ARHGEF7: variants seen among roughly 807,000 people sequenced by gnomAD.
The protein encoded by ARHGEF7 is Rho guanine nucleotide exchange factor 7.
ARHGEF7 carries 33 observed loss-of-function variants against 109.8 expected under a neutral mutation model. That is an observed-to-expected ratio of 0.30 (90% CI 0.23 to 0.40). The LOEUF (loss-of-function observed/expected upper bound fraction) is 0.40. Among genes scored for constraint, ARHGEF7 ranks in the 10% least tolerant of loss-of-function variants. ARHGEF7 has a pLI of 1.00. For synonymous variants in ARHGEF7, 458 were observed against 424.6 expected, an observed-to-expected ratio of 1.08 and a Z score of -0.97; for missense variants, 938 against 1,098.5, an observed-to-expected ratio of 0.85 and a Z score of 2.07.
intron 2 of ARHGEF7, among the ~76,000 whole-genome samples, chr13:111,168,113 CT>C (rs1346327280): frequency 2.6e-5 from 4 of 152,144 alleles, no homozygotes; most frequent in African/African-American, 9.7e-5. Context: ...GGAGAGGGTC[CT>C]GGCTTACCTA....
intron 2 of ARHGEF7, among the ~76,000 whole-genome samples, chr13:111,157,141 C>T (rs932330014): frequency 7.2e-5 from 11 of 151,974 alleles, no homozygotes; most frequent in Admixed American, 2.0e-4. Flanking sequence ...TTGTGTGAGT[C>T]GCATTTATTG....
chr13:111,280,378 G>A (rs747078146), intron 14 of ARHGEF7, 28 bp downstream of exon 14: 4 of 1,601,696 alleles, frequency 2.5e-6, no homozygotes, highest in Admixed American at 1.7e-5. Context: ...TGTGAGTGCT[G>A]TGTCTCGGGG....
chr13:111,116,902 T>G (rs1231172809), intron 1 of ARHGEF7, among the ~76,000 whole-genome samples: 1 of 152,234 alleles, frequency 6.6e-6, no homozygotes, highest in Non-Finnish European at 1.5e-5. Flanking sequence ...AAACAGAATC[T>G]GCATATTAGA....
chr13:111,168,317 C>T (rs1594209737), intron 2 of ARHGEF7, among the ~76,000 whole-genome samples: 2 of 152,192 alleles, frequency 1.3e-5, no homozygotes, highest in African/African-American at 2.4e-5. Flanking sequence ...CTGTGTGAGG[C>T]AGGGGTGTGG....
chr13:111,238,514 T>A (rs1250311266), intron 6 of ARHGEF7, among the ~76,000 whole-genome samples: 2 of 152,182 alleles, frequency 1.3e-5, no homozygotes, highest in Non-Finnish European at 2.9e-5. Context: ...GGAATCCCCG[T>A]AGATTTTGAG....
intron 2 of ARHGEF7, among the ~76,000 whole-genome samples, chr13:111,171,236 G>C (rs2077570131): frequency 6.6e-6 from 1 of 152,134 alleles, no homozygotes. Context: ...TTTGTGATGA[G>C]GAGGCTAAGA....
intron 5 of ARHGEF7, among the ~76,000 whole-genome samples, chr13:111,219,780 G>A (rs1390397508): frequency 3.3e-5 from 5 of 151,666 alleles, no homozygotes; most frequent in Admixed American, 1.3e-4. Context: ...ATTTTTTTCC[G>A]GCTGCTTGTT....
intron 2 of ARHGEF7, among the ~76,000 whole-genome samples, chr13:111,195,876 G>A (rs749935421): frequency 4.1e-4 from 63 of 152,180 alleles, no homozygotes; most frequent in Non-Finnish European, 5.9e-4. Context: ...TAAGGCTGCT[G>A]CCTTTCTCTG....
chr13:111,176,348 T>C (rs1464457298), intron 2 of ARHGEF7, among the ~76,000 whole-genome samples: 1 of 152,220 alleles, frequency 6.6e-6, no homozygotes, highest in African/African-American at 2.4e-5. Flanking sequence ...GTTTGAGGTG[T>C]GTAAGGCAGT....
In ARHGEF7 at chr13:111,221,512, TAG is replaced by T. The variant is rs1440362067; in HGVS notation, c.670+3634_670+3635del. ...ATAGACATATATATATCTATATATATAGATATATATCTATATATATCTATATA... is the reference window on the plus strand; with the variant it reads ...ATAGACATATATATATCTATATATATATATATATCTATATATATCTATATA... On this transcript the variant is annotated intron_variant, in intron 5 of 21. Coordinates refer to ENST00000646102, the MANE Select transcript of ARHGEF7 (RefSeq NM_001354046.2). 1.8e-4 allele frequency among the ~76,000 whole-genome samples: 11 copies of T among 60,810 alleles called. No individual in the cohort carries two copies. In the South Asian group the frequency reaches 5.2e-3, roughly 29 times the overall value. 39.9% of individuals were successfully genotyped at this position (60,810 alleles called of 152,430 possible).
At chr13:111,267,496 T>C (rs2091758791) in intron 8 of ARHGEF7, 52 bp from the exon 9 acceptor site, 1 of 1,608,356 alleles carries the variant, frequency 6.2e-7, no homozygotes, top group Non-Finnish European at 8.5e-7. Context: ...AGTTAGCAGT[T>C]GTCCTGTCTG....
chr13:111,167,567 T>C (rs1463258928), intron 2 of ARHGEF7, among the ~76,000 whole-genome samples: 5 of 152,258 alleles, frequency 3.3e-5, no homozygotes, highest in Non-Finnish European at 5.9e-5. Context: ...TTGCCCTGCA[T>C]GTGTGACATG....
At position 111,293,426 on chromosome 13, in the gene ARHGEF7, C is replaced by T. The variant is rs564691372; in HGVS notation, c.2311+1132C>T. The T allele has an allele frequency of 6.4e-3, 6,130 of 950,552 alleles. 28 individuals carry two copies. The highest frequency in any genetic ancestry group is 0.014 in the Admixed American group (157 of 10,900). The allele number at this position is 950,552 out of a possible 1,614,324, so 58.9% of individuals were successfully genotyped here. On this transcript the variant is annotated intron_variant, in intron 19 of 21. Coordinates refer to ENST00000646102, the MANE Select transcript of ARHGEF7 (RefSeq NM_001354046.2). ...GAAGAATTACTAGGTTGCCATGTGG[C>T]TCACTTATTTAAAAAAAAAAAAAAA...
intron 13 of ARHGEF7, 37 bp from the exon 14 acceptor site, chr13:111,280,235 A>G: frequency 6.5e-7 from 1 of 1,536,220 alleles, no homozygotes; most frequent in Non-Finnish European, 8.9e-7. Flanking sequence ...GAAAAGCACT[A>G]ATTGTTTTTT....
At chr13:111,268,710 GTC>G (rs889359976) in intron 9 of ARHGEF7, among the ~76,000 whole-genome samples, 1 of 152,178 alleles carries the variant, frequency 6.6e-6, no homozygotes, top group African/African-American at 2.4e-5. Flanking sequence ...ATTTCCTCCT[GTC>G]TCTGGGTTTC....
intron 5 of ARHGEF7, among the ~76,000 whole-genome samples, chr13:111,222,249 T>C (rs1049466190): frequency 5.9e-5 from 9 of 152,126 alleles, no homozygotes; most frequent in Non-Finnish European, 8.8e-5. Flanking sequence ...AAAATTTCCC[T>C]TTTTTTCCTG....
chr13:111,136,940 A>G (rs1270894215), intron 1 of ARHGEF7, among the ~76,000 whole-genome samples: 1 of 152,240 alleles, frequency 6.6e-6, no homozygotes, highest in East Asian at 1.9e-4. Flanking sequence ...AGAAATGCAA[A>G]CTACCATCAG....
chr13:111,305,641 T>C lies in ARHGEF7; in HGVS notation c.*2528T>C, dbSNP rs1374501846. ...TTGACAAGTGTGGAGAAACTCCTAATTTAAATGTCACAGACAATGTCCTAG... is the reference window on the plus strand; with the variant it reads ...TTGACAAGTGTGGAGAAACTCCTAACTTAAATGTCACAGACAATGTCCTAG... On this transcript the variant is annotated 3_prime_UTR_variant, in exon 22 of 22. Transcript: ENST00000646102. The C allele has an allele frequency of 6.6e-6, 1 of 152,230 alleles. No homozygotes were observed. The highest frequency in any genetic ancestry group is 1.5e-5 in the Non-Finnish European group (1 of 68,038). The allele number at this position is 152,230 out of a possible 1,614,324, so 9.4% of individuals were successfully genotyped here.
At chr13:111,210,754 G>C (rs965954098) in intron 4 of ARHGEF7, among the ~76,000 whole-genome samples, 1 of 152,182 alleles carries the variant, frequency 6.6e-6, no homozygotes, top group Non-Finnish European at 1.5e-5. Context: ...GGCTGCTGGG[G>C]ATACCACTGC....
Sources: gnomAD v4.1 joint callset for allele counts (sites outside exome capture counted in the v4.1 genomes callset) on GRCh38, gnomAD v4.1.1 for gene constraint, MANE v1.5 for transcripts, NCBI Gene and HGNC (gene_info 2026-07-23, HGNC 2026-07-21) for gene names.